SLCO1A2: variants seen among roughly 807,000 people sequenced by gnomAD.
SLCO1A2 encodes solute carrier organic anion transporter family member 1A2.
Under a neutral mutation model 69.0 loss-of-function variants are expected in SLCO1A2, and 67 were observed. The ratio of observed to expected loss-of-function variants is 0.97; its 90% CI spans 0.80 to 1.19. The LOEUF (loss-of-function observed/expected upper bound fraction) is 1.19. Among genes scored for constraint, SLCO1A2 ranks in the 50% most tolerant of loss-of-function variants. The pLI is 0.00. For synonymous variants in SLCO1A2, 260 were observed against 265.9 expected (o/e 0.98, Z 0.22); for missense variants, 787 against 793.7 (o/e 0.99, Z 0.10).
intron 3 of SLCO1A2, 84 bp downstream of exon 3, chr12:21,318,697 AC>A (rs757564405): frequency 8.1e-5 from 99 of 1,217,348 alleles, no homozygotes; most frequent in South Asian, 4.5e-4. Flanking sequence ...ATGACCTAAA[AC>A]AGCAAATAAG....
intron 2 of SLCO1A2, among the ~76,000 whole-genome samples, chr12:21,353,688 A>G (rs2137020486): frequency 6.6e-6 from 1 of 152,214 alleles, no homozygotes; most frequent in South Asian, 2.1e-4. Flanking sequence ...CATGAAAGGG[A>G]CCAGGCAGCA....
intron 12 of SLCO1A2, among the ~76,000 whole-genome samples, chr12:21,276,556 C>CAAA (rs1207227203): frequency 0.092 from 13,197 of 144,178 alleles, 1,863 homozygotes; most frequent in East Asian, 0.32. Flanking sequence ...AAAAAAAAAC[C>CAAA]AAAAAAAACC....
chr12:21,284,202 G>A (rs1945306877), intron 12 of SLCO1A2, among the ~76,000 whole-genome samples: 3 of 152,248 alleles, frequency 2.0e-5, no homozygotes, highest in East Asian at 3.9e-4. Context: ...TAAAGAAAAT[G>A]TGGTACATAT....
chr12:21,321,380 T>C (rs60462043), intron 2 of SLCO1A2, among the ~76,000 whole-genome samples: 8,506 of 152,256 alleles, frequency 0.056, 606 homozygotes, highest in African/African-American at 0.17. Context: ...GCTCAGACAA[T>C]TGAAATCCTG....
chr12:21,390,745 A>G (rs1413275734), intron 1 of SLCO1A2, among the ~76,000 whole-genome samples: 1 of 152,174 alleles, frequency 6.6e-6, no homozygotes, highest in Non-Finnish European at 1.5e-5. Flanking sequence ...CAAATAGGAG[A>G]TATCTAAATC....
rs1175975355 is a variant in SLCO1A2, at chr12:21,265,152, T to G, written c.*4396A>C. ...ATTCTAGTTCTTCAGCAGCTGGGGA[T>G]CTGTCACCTTATTTCCTAATGAATT... On this transcript the variant is annotated 3_prime_UTR_variant, in exon 15 of 15. Transcript: ENST00000683939. 6.6e-6 allele frequency: 1 copy of G among 152,272 alleles called. No individual in the cohort carries two copies. Among genetic ancestry groups the G allele is most frequent in the Non-Finnish European group, 1.5e-5 (1 of 68,104 alleles). 9.4% of individuals were successfully genotyped at this position (152,272 alleles called of 1,614,324 possible). A position where few individuals can be genotyped will look rare whatever the true frequency, so the allele number is the denominator to read the frequency against.
intron 5 of SLCO1A2, among the ~76,000 whole-genome samples, chr12:21,306,069 GA>G (rs984493607): frequency 1.3e-5 from 2 of 151,912 alleles, no homozygotes; most frequent in Non-Finnish European, 2.9e-5. Flanking sequence ...ATCTCCAGTA[GA>G]GGGGGAAAAA....
chr12:21,401,557 A>G (rs1308585954), intron 1 of SLCO1A2, among the ~76,000 whole-genome samples: 2 of 152,006 alleles, frequency 1.3e-5, no homozygotes, highest in East Asian at 3.9e-4. Context: ...TGCAATTTTA[A>G]TCATAATTTT....
intron 9 of SLCO1A2, among the ~76,000 whole-genome samples, chr12:21,296,350 C>G (rs1322160072): frequency 6.6e-6 from 1 of 152,102 alleles, no homozygotes; most frequent in Non-Finnish European, 1.5e-5. Flanking sequence ...AAGAGATGCT[C>G]CCACCTCAGC....
intron 10 of SLCO1A2, 52 bp downstream of exon 10, chr12:21,295,545 T>C (rs1446022711): frequency 1.7e-6 from 2 of 1,160,716 alleles, no homozygotes; most frequent in Non-Finnish European, 2.5e-6. Context: ...GTAAAAAATA[T>C]CATATTAACC....
At position 21,400,978 on chromosome 12, in the gene SLCO1A2, G is replaced by T. The variant is rs1256999229; in HGVS notation, c.-312+16904C>A. 8.0e-5 allele frequency among the ~76,000 whole-genome samples: 12 copies of T among 150,744 alleles called. No individual in the cohort carries two copies. In the South Asian group the frequency reaches 2.1e-3, roughly 27 times the overall value. The stretch of plus-strand genomic sequence containing the variant: ...ACCAGCATGGCACATGTATACATAT[G>T]TAACTAACCTGCACAATGTGCACAT... On this transcript the variant is annotated intron_variant, in intron 1 of 4. Transcript: ENST00000413682.
At chr12:21,412,634 T>C (rs1165658366) in intron 1 of SLCO1A2, among the ~76,000 whole-genome samples, 1 of 152,208 alleles carries the variant, frequency 6.6e-6, no homozygotes, top group Non-Finnish European at 1.5e-5. Flanking sequence ...TGTCCAAGAC[T>C]GATTCCCTGC....
In SLCO1A2 at chr12:21,340,797, G is replaced by T. The variant is rs187728192; in HGVS notation, c.-62-6088C>A. Among the ~76,000 whole-genome samples the T allele has an allele frequency of 2.6e-5, 4 of 152,002 alleles. No individual in the cohort carries two copies. The East Asian group carries it at 5.8e-4, about 22-fold the overall frequency. The stretch of plus-strand genomic sequence containing the variant: ...CAATTAAGATGGAGAAAGAAAGGTG[G>T]TATTTACTAAGCACTTTCAAAGACC... On this transcript the variant is annotated intron_variant, in intron 2 of 15. Transcript: ENST00000307378.
At chr12:21,300,249 TCAACA>T in intron 8 of SLCO1A2, 94 bp downstream of exon 8, 1 of 798,796 alleles carries the variant, frequency 1.3e-6, no homozygotes. Flanking sequence ...ACAAATTGTC[TCAACA>T]CAGCATAGCA....
At position 21,300,424 on chromosome 12, in the gene SLCO1A2, A is replaced by C. The variant is rs1255460985; in HGVS notation, c.834T>G (p.Asn278Lys). Residue 278 changes from asparagine to lysine, a missense_variant, in exon 8 of 15, where the codon AAT becomes AAG. By Grantham distance (94) the Asn-to-Lys change is moderately conservative. Transcript: ENST00000683939. ...CATTTTCATTTTTAATGATGTCAGC[A>C]TTAGTCTCTAGTCCTTCCTTTGGAA... The part of the protein sequence containing the change: ...NTLPKEGLET[N>K]ADIIKNENED... The C allele has an allele frequency of 6.2e-7, 1 of 1,613,450 alleles. No homozygotes were observed. Among genetic ancestry groups the C allele is most frequent in the South Asian group, 1.1e-5 (1 of 91,054 alleles).
intron 2 of SLCO1A2, among the ~76,000 whole-genome samples, chr12:21,341,199 C>T (rs1237375892): frequency 6.6e-6 from 1 of 151,956 alleles, no homozygotes; most frequent in African/African-American, 2.4e-5. Context: ...TAAGCTACCT[C>T]TCCACAGGTG....
chr12:21,323,795 C>T (rs1321666010), intron 2 of SLCO1A2, among the ~76,000 whole-genome samples: 1 of 152,062 alleles, frequency 6.6e-6, no homozygotes, highest in Admixed American at 6.6e-5. Context: ...CTTTGTTTTA[C>T]CAGCTGTTTA....
At position 21,292,268 on chromosome 12, in the gene SLCO1A2, T is replaced by C. The variant is rs1160963433; in HGVS notation, c.1506A>G (p.Lys502=). 1 of 1,613,036 alleles carries C rather than the reference T, an allele frequency of 6.2e-7. No individual in the cohort carries two copies. The highest frequency in any genetic ancestry group is 8.5e-7 in the Non-Finnish European group (1 of 1,179,254). Reference sequence around the variant, plus strand: ...GGAGCATCAAGGAACAGTCAGGTCCTTTGTCGCACAGCCCAAGAACTGCAG... The same window carrying C: ...GGAGCATCAAGGAACAGTCAGGTCCCTTGTCGCACAGCCCAAGAACTGCAG... ...NSSAVLGLCD[K]GPDCSLMLQY... is the part of the protein sequence containing the mutation. Residue 502 remains lysine, a synonymous_variant, in exon 12 of 15, where the codon AAA becomes AAG. Coordinates refer to ENST00000683939, the MANE Select transcript of SLCO1A2 (RefSeq NM_001386879.1).
intron 1 of SLCO1A2, chr12:21,417,758 C>T (rs1327674631): frequency 1.3e-5 from 2 of 151,984 alleles, no homozygotes; most frequent in African/African-American, 4.8e-5. Flanking sequence ...CACGAAGTTT[C>T]CTAAACTGTT....
Sources: allele counts gnomAD v4.1 joint callset (sites outside exome capture counted in the v4.1 genomes callset), GRCh38; gene constraint gnomAD v4.1.1; transcripts MANE v1.5; gene names NCBI Gene and HGNC (gene_info 2026-07-23, HGNC 2026-07-21).